ABLIM3: variants seen among roughly 807,000 people sequenced by gnomAD.
ABLIM3 encodes actin binding LIM protein family member 3.
Under a neutral mutation model 109.5 loss-of-function variants are expected in ABLIM3, and 61 were observed. The observed-to-expected ratio is 0.56, with a 90% CI of 0.45 to 0.69. The LOEUF (loss-of-function observed/expected upper bound fraction) is 0.69. Ranked by LOEUF, ABLIM3 falls within the 30% of genes least tolerant of loss-of-function variation. The pLI, the probability that ABLIM3 is intolerant of heterozygous loss-of-function variation, is 0.00. For missense variants in ABLIM3, 796 were observed against 889.5 expected (o/e 0.89, Z 1.34); for synonymous variants, 300 against 324.8 (o/e 0.92, Z 0.82).
At chr5:149,256,578 G>A (rs1754444535) in intron 23 of ABLIM3, among the ~76,000 whole-genome samples, 1 of 152,208 alleles carries the variant, frequency 6.6e-6, no homozygotes, top group Admixed American at 6.5e-5. Context: ...AGGTATCAGG[G>A]AATTCTGAAG....
intron 3 of ABLIM3, among the ~76,000 whole-genome samples, chr5:149,183,963 G>GT (rs1390837239): frequency 7.5e-6 from 1 of 133,356 alleles, no homozygotes; most frequent in African/African-American, 3.0e-5. Flanking sequence ...TTTGTTTTTT[G>GT]TTTTTTGGTT....
At chr5:149,239,629 G>T in intron 12 of ABLIM3, 130 bp from the exon 13 acceptor site, 4 of 1,299,946 alleles carry the variant, frequency 3.1e-6, no homozygotes, top group Non-Finnish European at 4.2e-6. Flanking sequence ...AGGGAGGAGG[G>T]GGGTCTCTGT....
At chr5:149,216,277 T>C (rs1457699143) in intron 7 of ABLIM3, among the ~76,000 whole-genome samples, 1 of 152,240 alleles carries the variant, frequency 6.6e-6, no homozygotes, top group Non-Finnish European at 1.5e-5. Context: ...GGCTCCCTTA[T>C]ATGTAAGGAA....
chr5:149,154,524 G>A (rs748855965), intron 2 of ABLIM3, among the ~76,000 whole-genome samples: 18 of 152,170 alleles, frequency 1.2e-4, no homozygotes, highest in Non-Finnish European at 2.2e-4. Context: ...CTAATCCAGA[G>A]ACTCTTTTCC....
intron 4 of ABLIM3, 77 bp from the exon 5 acceptor site, chr5:149,200,239 C>A: frequency 1.6e-6 from 2 of 1,288,138 alleles, no homozygotes; most frequent in Non-Finnish European, 2.3e-6. Context: ...TACCAAAGTG[C>A]TTTGAGCACA....
At chr5:149,233,655 T>C (rs1762084871) in intron 10 of ABLIM3, among the ~76,000 whole-genome samples, 1 of 152,078 alleles carries the variant, frequency 6.6e-6, no homozygotes, top group African/African-American at 2.4e-5. Flanking sequence ...AAACTGAGGA[T>C]CAAAGTGGTA....
intron 11 of ABLIM3, 126 bp from the exon 12 acceptor site, chr5:149,239,122 G>T (rs1260882293): frequency 2.3e-6 from 2 of 876,544 alleles, no homozygotes; most frequent in African/African-American, 1.6e-5. Flanking sequence ...TATCTGGAGA[G>T]GGGTACAAAG....
chr5:149,248,417 C>T lies in ABLIM3; in HGVS notation c.1699+488C>T, dbSNP rs1425495043. Among the ~76,000 whole-genome samples, 69 of 152,064 alleles carry T rather than the reference C, an allele frequency of 4.5e-4. 1 individual carries two copies. The highest frequency in any genetic ancestry group is 7.4e-5 in the Non-Finnish European group (5 of 68,014). ...TATAAAGAAAAATGGCTTGGCTGGG[C>T]GCAGTGGCTCATGACTGTAATCCCA... On this transcript the variant is annotated intron_variant, in intron 18 of 23. Transcript: ENST00000309868.
At chr5:149,246,408 T>A (rs541647527) in intron 16 of ABLIM3, 74 bp from the exon 17 acceptor site, 181 of 1,408,052 alleles carry the variant, frequency 1.3e-4, no homozygotes, top group East Asian at 1.3e-3. Context: ...CTTTTCTTTT[T>A]TAAAAAAAAA....
At chr5:149,184,114 T>C (rs1756733663) in intron 3 of ABLIM3, among the ~76,000 whole-genome samples, 1 of 152,100 alleles carries the variant, frequency 6.6e-6, no homozygotes, top group Non-Finnish European at 1.5e-5. Context: ...TCTCTCATTG[T>C]TACAGCTTAC....
In ABLIM3 at chr5:149,259,923, A is replaced by T; in HGVS notation, c.*1519A>T. ...GCACCTGCTGAATACTGAGCACTGA[A>T]TGGGGGAGGGGGAGGGGAGCACGGG... is the stretch of plus-strand genomic sequence containing the variant. On this transcript the variant is annotated 3_prime_UTR_variant, in exon 24 of 24. Transcript: ENST00000309868. The T allele has an allele frequency of 1.6e-4, 39 of 245,244 alleles. No individual in the cohort carries two copies. The highest frequency in any genetic ancestry group is 2.1e-4 in the Non-Finnish European group (26 of 124,776). 15.2% of individuals were successfully genotyped at this position (245,244 alleles called of 1,614,324 possible).
intron 16 of ABLIM3, 131 bp from the exon 17 acceptor site, chr5:149,246,351 C>A (rs1353188360): frequency 1.2e-6 from 1 of 860,318 alleles, no homozygotes; most frequent in South Asian, 1.8e-5. Context: ...TTAGCTTAAA[C>A]GAGACTGTTT....
intron 7 of ABLIM3, among the ~76,000 whole-genome samples, chr5:149,214,207 A>G (rs182591641): frequency 3.1e-4 from 47 of 152,344 alleles, no homozygotes; most frequent in African/African-American, 8.7e-4. Context: ...GCTGCAACAG[A>G]GAGGAAGTTT....
At chr5:149,202,818 C>G (rs1351050518) in intron 5 of ABLIM3, among the ~76,000 whole-genome samples, 2 of 152,176 alleles carry the variant, frequency 1.3e-5, no homozygotes, top group African/African-American at 2.4e-5. Context: ...GAATCAGCAA[C>G]AGTAGCAGCA....
At chr5:149,210,206 C>T (rs1759399746) in intron 6 of ABLIM3, among the ~76,000 whole-genome samples, 1 of 152,124 alleles carries the variant, frequency 6.6e-6, no homozygotes. Flanking sequence ...TACACTGGAC[C>T]CATCTCCTTT....
intron 8 of ABLIM3, among the ~76,000 whole-genome samples, chr5:149,222,800 G>A (rs189983447): frequency 3.8e-4 from 57 of 151,296 alleles, no homozygotes; most frequent in African/African-American, 1.4e-3. Context: ...GCCTCCCATT[G>A]TTATGGGTTG....
In ABLIM3 at chr5:149,198,439, A is replaced by G; in HGVS notation, c.335+37A>G. ...ACCAGCAGGGCCTGGGACCCTCTGC[A>G]TAAGCCCCCGGGGCAGGGGAAGACC... On this transcript the variant is annotated intron_variant, in intron 4 of 23. Coordinates refer to ENST00000309868, the MANE Select transcript of ABLIM3 (RefSeq NM_014945.5). The surrounding 1 kb of genome is among the most constrained non-coding windows in gnomAD (Gnocchi z 4.2). 1 of 1,563,130 alleles carries G rather than the reference A, an allele frequency of 6.4e-7. No individual in the cohort carries two copies. The highest frequency in any genetic ancestry group is 8.7e-7 in the Non-Finnish European group (1 of 1,155,514).
intron 7 of ABLIM3, among the ~76,000 whole-genome samples, chr5:149,212,914 C>T (rs991406707): frequency 3.3e-5 from 5 of 152,018 alleles, no homozygotes; most frequent in Non-Finnish European, 7.4e-5. Context: ...CACTTGAGTC[C>T]AGGAGTTCAA....
chr5:149,248,048 C>A lies in ABLIM3; in HGVS notation c.1699+119C>A, dbSNP rs957419360. 2.3e-5 allele frequency: 30 copies of A among 1,287,564 alleles called. No individual in the cohort carries two copies. The Admixed American group carries it at 3.1e-4, about 13-fold the overall frequency. 79.8% of individuals were successfully genotyped at this position (1,287,564 alleles called of 1,614,324 possible). A position where few individuals can be genotyped will look rare whatever the true frequency, so the allele number is the denominator to read the frequency against. On this transcript the variant is annotated intron_variant, in intron 18 of 23. Transcript: ENST00000309868. The stretch of plus-strand genomic sequence containing the variant: ...GAGGCACAGCCCATGCATCCTCTCT[C>A]TTCTTCCTCACAGCAGCCCTGTGGT...
Sources: gnomAD v4.1 joint callset for allele counts (sites outside exome capture counted in the v4.1 genomes callset) on GRCh38, gnomAD v4.1.1 for gene constraint, Gnocchi (gnomAD v3.1) non-coding constraint, MANE v1.5 for transcripts, NCBI Gene and HGNC (gene_info 2026-07-23, HGNC 2026-07-21) for gene names.